The following MAST4 variants were observed in gnomAD, a reference collection of about 807,000 sequenced individuals.
MAST4 encodes microtubule associated serine/threonine kinase family member 4.
In MAST4, 89 loss-of-function variants were observed where a neutral mutation model predicts 162.7. That is an observed-to-expected ratio of 0.55 (90% CI 0.46 to 0.65). MAST4 has a LOEUF of 0.65. Among genes scored for constraint, MAST4 ranks in the 30% least tolerant of loss-of-function variants. The pLI is 0.00. For synonymous variants in MAST4, 1,479 were observed against 1,361.1 expected, an observed-to-expected ratio of 1.09 and a Z score of -1.91; for missense variants, 3,153 against 3,374.0, an observed-to-expected ratio of 0.93 and a Z score of 1.62.
At chr5:66,686,748 G>A (rs181720755) in intron 1 of MAST4, among the ~76,000 whole-genome samples, 9 of 152,158 alleles carry the variant, frequency 5.9e-5, no homozygotes, top group South Asian at 2.1e-4. Flanking sequence ...AGTCTCTCCC[G>A]GAAGTTGCCC....
At chr5:67,040,266 C>A (rs971874530) in intron 4 of MAST4, among the ~76,000 whole-genome samples, 1 of 151,936 alleles carries the variant, frequency 6.6e-6, no homozygotes, top group African/African-American at 2.4e-5. Flanking sequence ...CACTAAAAAA[C>A]AATAGAACAA....
intron 4 of MAST4, among the ~76,000 whole-genome samples, chr5:66,969,538 C>T (rs1030351426): frequency 1.3e-5 from 2 of 152,154 alleles, no homozygotes; most frequent in Non-Finnish European, 2.9e-5. Flanking sequence ...GTAGACAGCA[C>T]CTTAACAGGG....
intron 4 of MAST4, among the ~76,000 whole-genome samples, chr5:66,960,558 C>T (rs1745888833): frequency 6.6e-6 from 1 of 152,050 alleles, no homozygotes; most frequent in African/African-American, 2.4e-5. Context: ...ACTTAACCCT[C>T]CTCTCTCTAG....
chr5:66,965,949 C>T (rs969085388), intron 4 of MAST4, among the ~76,000 whole-genome samples: 2 of 152,140 alleles, frequency 1.3e-5, no homozygotes, highest in Non-Finnish European at 2.9e-5. Flanking sequence ...GATGCTAGTA[C>T]AATCTATAAT....
At chr5:67,075,017 T>C (rs761980408) in intron 5 of MAST4, among the ~76,000 whole-genome samples, 1 of 152,208 alleles carries the variant, frequency 6.6e-6, no homozygotes, top group East Asian at 1.9e-4. Flanking sequence ...GTAGCAGTAC[T>C]AAAGTTATCC....
intron 4 of MAST4, among the ~76,000 whole-genome samples, chr5:67,005,338 G>A (rs1427768018): frequency 6.6e-6 from 1 of 152,196 alleles, no homozygotes; most frequent in East Asian, 1.9e-4. Flanking sequence ...ACATTTCCTT[G>A]TGAGAGGTGG....
intron 1 of MAST4, among the ~76,000 whole-genome samples, chr5:66,738,727 C>T (rs1238554590): frequency 6.6e-6 from 1 of 152,194 alleles, no homozygotes; most frequent in Non-Finnish European, 1.5e-5. Flanking sequence ...CGACACAGGT[C>T]TGCTTTCTCG....
At chr5:66,783,230 AT>A (rs1240957843) in intron 2 of MAST4, 3 of 152,200 alleles carry the variant, frequency 2.0e-5, no homozygotes, top group Middle Eastern at 3.2e-3. Context: ...ACAAAATTTT[AT>A]TTCTGCTCAC....
In MAST4 at chr5:67,104,506, C is replaced by T; in HGVS notation, c.1287C>T (p.Ser429=). 1.2e-6 allele frequency: 2 copies of T among 1,613,834 alleles called. No individual in the cohort carries two copies. Among genetic ancestry groups the T allele is most frequent in the Non-Finnish European group, 1.7e-6 (2 of 1,179,828 alleles). ...TGGCTCGAGATTGCTTGGATAAATC[C>T]CACCAGGGCCTCATCACCTCACGAT... ...IELARDCLDK[S]HQGLITSRYF... Residue 429 remains serine (S), a synonymous_variant, in exon 10 of 29, where the codon TCC becomes TCT. Transcript: ENST00000403625.
rs368364553 is a variant in MAST4, at chr5:66,698,714, G to A, written c.364-60995G>A. 1.8e-3 allele frequency among the ~76,000 whole-genome samples: 271 copies of A among 152,198 alleles called. 1 individual carries two copies. The highest frequency in any genetic ancestry group is 6.1e-3 in the African/African-American group (254 of 41,518). ...ACTTGGATATCTGCTGGGCATCTTA[G>A]CATAACAGAGCTTTTGCTTCCCCAT... On this transcript the variant is annotated intron_variant, in intron 1 of 28. Transcript: ENST00000403625.
At chr5:66,652,245 C>T (rs562046080) in intron 1 of MAST4, among the ~76,000 whole-genome samples, 1 of 152,278 alleles carries the variant, frequency 6.6e-6, no homozygotes, top group Non-Finnish European at 1.5e-5. Context: ...GGATCTTCTT[C>T]ATCCAAGAAG....
chr5:66,779,785 C>T (rs1754769241), intron 2 of MAST4, among the ~76,000 whole-genome samples: 2 of 152,206 alleles, frequency 1.3e-5, no homozygotes, highest in African/African-American at 4.8e-5. Flanking sequence ...GTGATGGCTG[C>T]TGAGTCATGA....
intron 4 of MAST4, among the ~76,000 whole-genome samples, chr5:67,027,429 G>A (rs1754796988): frequency 2.0e-5 from 3 of 152,132 alleles, no homozygotes; most frequent in Admixed American, 2.0e-4. Flanking sequence ...AGGATCTGGA[G>A]GGCTAATGAT....
At chr5:66,666,603 AGT>A (rs1166283068) in intron 1 of MAST4, among the ~76,000 whole-genome samples, 1 of 152,224 alleles carries the variant, frequency 6.6e-6, no homozygotes, top group African/African-American at 2.4e-5. Context: ...AATTGGCTGG[AGT>A]GTCTCATCTA....
chr5:67,144,839 G>C, intron 22 of MAST4, 43 bp downstream of exon 22: 1 of 1,552,582 alleles, frequency 6.4e-7, no homozygotes, highest in Non-Finnish European at 8.7e-7. Context: ...GTAGCTACTA[G>C]AGCAGAGTTT....
chr5:66,868,330 C>G (rs1367708726), intron 3 of MAST4, among the ~76,000 whole-genome samples: 1 of 151,990 alleles, frequency 6.6e-6, no homozygotes, highest in African/African-American at 2.4e-5. Flanking sequence ...AAATTCTTCT[C>G]AAAGGTTCCC....
At chr5:66,641,655 A>G (rs147737010) in intron 1 of MAST4, among the ~76,000 whole-genome samples, 74 of 152,352 alleles carry the variant, frequency 4.9e-4, no homozygotes, top group African/African-American at 1.6e-3. Flanking sequence ...GATGAATCAG[A>G]AACAGCTTGT....
intron 1 of MAST4, among the ~76,000 whole-genome samples, chr5:66,700,538 C>G (rs186675752): frequency 6.6e-6 from 1 of 151,714 alleles, no homozygotes; most frequent in East Asian, 1.9e-4. Flanking sequence ...AAAAACTAGC[C>G]GGGCTGGTGG....
rs374894581 is a variant in MAST4, at chr5:67,104,594, A to G, written c.1356+19A>G. 4.8e-5 allele frequency: 77 copies of G among 1,595,840 alleles called. No individual in the cohort carries two copies. The highest frequency in any genetic ancestry group is 3.3e-4 in the Middle Eastern group (2 of 6,038). The stretch of plus-strand genomic sequence containing the variant: ...ACAGGAGGTAAGAACCATGTACCAT[A>G]TAGTTTTCTGATTTATTTTGCTTTT... On this transcript the variant is annotated intron_variant, in intron 10 of 28. Coordinates refer to ENST00000403625, the MANE Select transcript of MAST4 (RefSeq NM_001164664.2).
Sources: gnomAD v4.1 joint callset for allele counts (sites outside exome capture counted in the v4.1 genomes callset) on GRCh38, gnomAD v4.1.1 for gene constraint, MANE v1.5 for transcripts, NCBI Gene and HGNC (gene_info 2026-07-23, HGNC 2026-07-21) for gene names.